The following SH3KBP1 variants were observed in gnomAD, a reference collection of about 807,000 sequenced individuals.
SH3KBP1 encodes the protein SH3 domain-containing kinase-binding protein 1.
In SH3KBP1, 8 loss-of-function variants were observed where a neutral mutation model predicts 50.1. The ratio of observed to expected loss-of-function variants is 0.16; its 90% confidence interval spans 0.09 to 0.29. SH3KBP1 has a LOEUF of 0.29. SH3KBP1 is among the 10% of genes least tolerant of loss of function. SH3KBP1 has a pLI of 1.00. For synonymous variants in SH3KBP1, 227 were observed against 218.6 expected, an observed-to-expected ratio of 1.04 and a Z score of -0.34; for missense variants, 377 against 535.2, an observed-to-expected ratio of 0.70 and a Z score of 2.92.
chrX:19,612,418 C>T (rs761471474), intron 8 of SH3KBP1, among the ~76,000 whole-genome samples: 1 of 111,230 alleles, frequency 9.0e-6, no homozygotes, highest in East Asian at 2.8e-4. Flanking sequence ...CACCTGCCAC[C>T]ACGCCTGGTT....
chrX:19,851,292 T>C (rs1314389153), intron 1 of SH3KBP1, among the ~76,000 whole-genome samples: 13 of 111,958 alleles, frequency 1.2e-4, no homozygotes, highest in Non-Finnish European at 1.9e-5. Flanking sequence ...GCAGATCCCC[T>C]TCCTCATCAT....
At chrX:19,646,644 C>CA (rs1252725150) in intron 6 of SH3KBP1, among the ~76,000 whole-genome samples, 2 of 111,300 alleles carry the variant, frequency 1.8e-5, no homozygotes, top group Admixed American at 9.5e-5. Context: ...AATTTTTCTT[C>CA]AAAAAAAACT....
At chrX:19,675,311 A>AT (rs2148556748) in intron 6 of SH3KBP1, among the ~76,000 whole-genome samples, 1 of 111,238 alleles carries the variant, frequency 9.0e-6, no homozygotes, top group African/African-American at 3.3e-5. Flanking sequence ...CAGATGAGGA[A>AT]TCAAAAGCAC....
intron 5 of SH3KBP1, among the ~76,000 whole-genome samples, chrX:19,684,575 T>G (rs757256009): frequency 8.9e-6 from 1 of 112,835 alleles, no homozygotes; most frequent in Non-Finnish European, 1.9e-5. Context: ...TTTGGATGGC[T>G]TCACAAGGAA....
intron 2 of SH3KBP1, among the ~76,000 whole-genome samples, chrX:19,830,347 A>C (rs1466554927): frequency 1.8e-5 from 2 of 111,008 alleles, no homozygotes; most frequent in African/African-American, 6.6e-5. Flanking sequence ...AGAAACAAAA[A>C]AAAAAAAATC....
intron 13 of SH3KBP1, among the ~76,000 whole-genome samples, chrX:19,552,252 G>A (rs1341580059): frequency 9.0e-6 from 1 of 111,691 alleles, no homozygotes; most frequent in Non-Finnish European, 1.9e-5. Flanking sequence ...GAAGAGCGCC[G>A]CACAAATATC....
At chrX:19,624,322 A>T (rs1282563684) in intron 8 of SH3KBP1, among the ~76,000 whole-genome samples, 1 of 111,448 alleles carries the variant, frequency 9.0e-6, no homozygotes, top group Non-Finnish European at 1.9e-5. Context: ...AAAAAAAAGT[A>T]TTCCAAGATG....
At chrX:19,773,734 T>C (rs1052636911) in intron 2 of SH3KBP1, among the ~76,000 whole-genome samples, 1 of 106,962 alleles carries the variant, frequency 9.3e-6, no homozygotes, top group Admixed American at 1.0e-4. Context: ...TGGGCGCCTG[T>C]AGTCCCAGCT....
intron 11 of SH3KBP1, 94 bp from the exon 12 acceptor site, chrX:19,588,896 T>A: frequency 4.6e-6 from 3 of 655,630 alleles, no homozygotes; most frequent in Non-Finnish European, 6.6e-6. Context: ...AAAAAAAAAA[T>A]TACTGATGCT....
chrX:19,665,030 C>T (rs1226828056), intron 6 of SH3KBP1, among the ~76,000 whole-genome samples: 1 of 111,797 alleles, frequency 8.9e-6, no homozygotes, highest in Non-Finnish European at 1.9e-5. Flanking sequence ...CTCTTGTTAT[C>T]GACTTTGTGA....
At chrX:19,747,563 A>G in intron 2 of SH3KBP1, 1 of 336,296 alleles carries the variant, frequency 3.0e-6, no homozygotes, top group Non-Finnish European at 6.0e-6. Flanking sequence ...GGCCATGACT[A>G]GGCCCGAGCA....
chrX:19,782,978 G>T (rs1287562315), intron 2 of SH3KBP1, among the ~76,000 whole-genome samples: 2 of 111,932 alleles, frequency 1.8e-5, no homozygotes, highest in Non-Finnish European at 3.8e-5. Context: ...CAGCCAGCGT[G>T]GTGGCGCGTG....
intron 3 of SH3KBP1, among the ~76,000 whole-genome samples, chrX:19,721,115 G>A (rs968843877): frequency 9.0e-6 from 1 of 110,693 alleles, no homozygotes; most frequent in Non-Finnish European, 1.9e-5. Context: ...GAATAAAGAG[G>A]GGAGGAAGCC....
intron 8 of SH3KBP1, among the ~76,000 whole-genome samples, chrX:19,615,580 A>G (rs1440470920): frequency 2.7e-5 from 3 of 112,035 alleles, no homozygotes; most frequent in South Asian, 3.7e-4. Context: ...CGAAAGTTCC[A>G]TGGAAGCCGG....
chrX:19,855,506 A>C (rs1281000349), intron 1 of SH3KBP1, among the ~76,000 whole-genome samples: 1 of 112,229 alleles, frequency 8.9e-6, no homozygotes, highest in Non-Finnish European at 1.9e-5. Flanking sequence ...TCAGACTGTT[A>C]TTTTAACCCT....
At chrX:19,775,014 G>T (rs2065931988) in intron 2 of SH3KBP1, among the ~76,000 whole-genome samples, 1 of 111,143 alleles carries the variant, frequency 9.0e-6, no homozygotes, top group Admixed American at 9.6e-5. Context: ...GTTTAGTAGT[G>T]TCACACAGAC....
intron 13 of SH3KBP1, among the ~76,000 whole-genome samples, chrX:19,556,829 T>G (rs766190488): frequency 9.1e-6 from 1 of 110,293 alleles, no homozygotes; most frequent in South Asian, 3.9e-4. Flanking sequence ...CACCCAGTTA[T>G]TTTTTGTTTT....
intron 2 of SH3KBP1, among the ~76,000 whole-genome samples, chrX:19,779,482 C>T (rs1159274090): frequency 6.7e-5 from 7 of 104,696 alleles, no homozygotes; most frequent in Non-Finnish European, 1.2e-4. Flanking sequence ...ATTGTGCAGG[C>T]TAGTTACATA....
chrX:19,731,172 C>T (rs2064366302), intron 3 of SH3KBP1, among the ~76,000 whole-genome samples: 1 of 112,017 alleles, frequency 8.9e-6, no homozygotes. Context: ...CTCCTGACCT[C>T]AGGTAATCCG....
Sources: allele counts gnomAD v4.1 joint callset (sites outside exome capture counted in the v4.1 genomes callset), GRCh38; gene constraint gnomAD v4.1.1; transcripts MANE v1.5; gene names NCBI Gene and HGNC (gene_info 2026-07-23, HGNC 2026-07-21).